The following HPS1 variants were observed in gnomAD, a reference collection of about 807,000 sequenced individuals.
HPS1 encodes HPS1 biogenesis of lysosomal organelles complex 3 subunit 1, also known as BLOC-3 complex member HPS1.
HPS1 carries 59 observed loss-of-function variants against 90.6 expected under a neutral mutation model. The ratio of observed to expected loss-of-function variants is 0.65; its 90% CI spans 0.53 to 0.81. The LOEUF (loss-of-function observed/expected upper bound fraction) is 0.81, where lower values mean the gene tolerates loss of function less well. HPS1 is among the 30% of genes least tolerant of loss of function. The probability of loss-of-function intolerance (pLI) is 0.00; values close to 1 mark genes in which losing one functional copy is unlikely to be tolerated. For synonymous variants in HPS1, 388 were observed against 384.4 expected (o/e 1.01, Z -0.11); for missense variants, 849 against 896.7 (o/e 0.95, Z 0.68).
chr10:98,420,392 T>C (rs1476753749), intron 17 of HPS1: 5 of 494,832 alleles, frequency 1.0e-5, no homozygotes, highest in Non-Finnish European at 1.9e-5. Flanking sequence ...AAAAGCTTTG[T>C]GTAACTTTAC....
At chr10:98,431,441 TC>T in intron 6 of HPS1, 150 bp from the exon 7 acceptor site, 1 of 754,348 alleles carries the variant, frequency 1.3e-6, no homozygotes, top group Non-Finnish European at 2.2e-6. Flanking sequence ...ACCCACCAGG[TC>T]CCAGCCTTCC....
rs370022437 is a variant in HPS1, at chr10:98,435,426, G to A, written c.256-12C>T. The A allele has an allele frequency of 1.2e-6, 2 of 1,613,564 alleles. No individual in the cohort carries two copies. The highest frequency in any genetic ancestry group is 2.7e-5 in the African/African-American group (2 of 74,896). ...AGGCATTCTCCAAACTGCAGGCACA[G>A]GCAGGCCAGTGTCAGCCAGCCCCAA... is the stretch of plus-strand genomic sequence containing the variant. On this transcript the variant is annotated splice_polypyrimidine_tract_variant and intron_variant, in intron 4 of 19. Coordinates refer to ENST00000361490, the MANE Select transcript of HPS1 (RefSeq NM_000195.5). The surrounding 1 kb of genome is among the most constrained non-coding windows in gnomAD (Gnocchi z 4.3).
At chr10:98,440,893 T>C (rs1405859211) in intron 3 of HPS1, among the ~76,000 whole-genome samples, 2 of 152,164 alleles carry the variant, frequency 1.3e-5, no homozygotes, top group Non-Finnish European at 2.9e-5. Flanking sequence ...GTTTAAAAAC[T>C]GAAATATTTA....
chr10:98,423,268 A>C, intron 16 of HPS1, among the ~76,000 whole-genome samples: 1 of 145,228 alleles, frequency 6.9e-6, no homozygotes, highest in East Asian at 2.2e-4. Context: ...CAACCAAACT[A>C]GACCACAGGA....
chr10:98,431,004 G>A (rs1846368322), intron 7 of HPS1, 127 bp downstream of exon 7: 1 of 964,972 alleles, frequency 1.0e-6, no homozygotes, highest in Admixed American at 2.0e-5. Flanking sequence ...ATCAAATCTG[G>A]GAAGGTTTCA....
At position 98,435,374 on chromosome 10, in the gene HPS1, G is replaced by C. The variant is rs979872984; in HGVS notation, c.296C>G (p.Thr99Ser). ...CCGCCGCAGGTCCCCCTCGCTCTCG[G>C]TGTGGTCACCATTGATGGCAATGAA... ...CLFIAINGDH[T>S]ESEGDLRRKL... Residue 99 changes from threonine (T) to serine (S), a missense_variant, in exon 5 of 20, where the codon ACC (threonine) becomes AGC (serine). Transcript: ENST00000361490. The surrounding 1 kb of genome is among the most constrained non-coding windows in gnomAD (Gnocchi z 4.3). 3.1e-6 allele frequency: 5 copies of C among 1,613,798 alleles called. No homozygotes were observed. In the African/African-American group the frequency reaches 4.0e-5, roughly 13 times the overall value.
chr10:98,423,620 C>T lies in HPS1; in HGVS notation c.1581G>A (p.Arg527=). The T allele has an allele frequency of 1.9e-6, 3 of 1,613,954 alleles. No homozygotes were observed. The highest frequency in any genetic ancestry group is 2.5e-6 in the Non-Finnish European group (3 of 1,179,926). ...WKDFLLVKSR[R]NITMVSYLED... is the part of the protein sequence containing the mutation. ...CAGGATATGACACCATGGTGATGTT[C>T]CTCCTGCTCTTCACCAGCAAGAAGT... is the stretch of plus-strand genomic sequence containing the variant. The change falls in exon 16 of 20, where the codon AGG becomes AGA. Residue 527 remains arginine (R), a synonymous_variant. Transcript: ENST00000361490.
chr10:98,414,931 C>T (rs1268529836), downstream of HPS1: 10 of 1,552,660 alleles, frequency 6.4e-6, no homozygotes, highest in Middle Eastern at 1.7e-4. Context: ...TTGGCTCCCC[C>T]TCCCCCTCCC....
downstream of HPS1, chr10:98,415,021 C>T: frequency 6.2e-7 from 1 of 1,613,680 alleles, no homozygotes; most frequent in Non-Finnish European, 8.5e-7. Flanking sequence ...GCTCCTATCA[C>T]CACCGCATCA....
chr10:98,444,361 T>C (rs1939063513), intron 2 of HPS1, among the ~76,000 whole-genome samples: 1 of 151,482 alleles, frequency 6.6e-6, no homozygotes, highest in African/African-American at 2.4e-5. Context: ...CTTCCCACAC[T>C]GTGTGCCATG....
Position 98,425,552 on chromosome 10 carries a change from G to A in HPS1, c.1324C>T (p.Gln442Ter). ...AACTTGGGTCTCACCTGAATCTCCT[G>A]TGCCCCTCGATTCTTGACAAACTTG... is the stretch of plus-strand genomic sequence containing the variant. Reference protein sequence around the residue: ...MDKFVKNRGAQEIQSTWLEFK... With the variant: ...MDKFVKNRGA Residue 442 changes from glutamine (Q) to a stop codon, truncating the protein, a stop_gained, in exon 13 of 20, where the codon CAG (glutamine) becomes TAG (stop). Transcript: ENST00000361490. LOFTEE classifies it high-confidence loss of function. 1 of 1,611,090 alleles carries A rather than the reference G, an allele frequency of 6.2e-7. No individual in the cohort carries two copies. The highest frequency in any genetic ancestry group is 8.5e-7 in the Non-Finnish European group (1 of 1,178,816).
At chr10:98,439,098 G>A (rs1937930631) in intron 3 of HPS1, among the ~76,000 whole-genome samples, 1 of 152,198 alleles carries the variant, frequency 6.6e-6, no homozygotes, top group East Asian at 1.9e-4. Context: ...AGATTTCAGA[G>A]GATGTATGGA....
chr10:98,414,262 T>C (rs1174487559), downstream of HPS1: 1 of 152,152 alleles, frequency 6.6e-6, no homozygotes. Context: ...TATCTCTGTA[T>C]AGACCCAGTT....
chr10:98,420,051 A>G lies in HPS1; in HGVS notation c.1851T>C (p.Asn617=), dbSNP rs1844649878. 3 of 1,609,644 alleles carry G rather than the reference A, an allele frequency of 1.9e-6. No homozygotes were observed. The African/African-American group carries it at 4.0e-5, about 22-fold the overall frequency. ...FYCSYFLWFE[N]DMGYKLQMIE... ...GGGACTCAGCCTCACCTACCATGTC[A>G]TTCTCGAACCACAGGAAGTAGGAGC... Residue 617 remains asparagine, a synonymous_variant, in exon 18 of 20, where the codon AAT becomes AAC. Coordinates refer to ENST00000361490, the MANE Select transcript of HPS1 (RefSeq NM_000195.5).
chr10:98,423,055 A>G (rs1236649816), intron 16 of HPS1, among the ~76,000 whole-genome samples: 1 of 152,236 alleles, frequency 6.6e-6, no homozygotes, highest in Non-Finnish European at 1.5e-5. Flanking sequence ...GGGGCTGGAC[A>G]TTTCAGAGAT....
At chr10:98,430,697 A>C (rs1436497462) in intron 7 of HPS1, 27 bp from the exon 8 acceptor site, 16 of 1,532,972 alleles carry the variant, frequency 1.0e-5, no homozygotes, top group Non-Finnish European at 1.4e-5. Context: ...ATGGCCACCC[A>C]TCAGCACATG....
chr10:98,429,709 C>T, intron 9 of HPS1, 67 bp from the exon 10 acceptor site: 1 of 1,614,040 alleles, frequency 6.2e-7, no homozygotes, highest in Non-Finnish European at 8.5e-7. Context: ...CCCTGCTCTC[C>T]CAGGAGGGAT....
At position 98,435,219 on chromosome 10, in the gene HPS1, G is replaced by A; in HGVS notation, c.398+53C>T. On this transcript the variant is annotated intron_variant, in intron 5 of 19. Transcript: ENST00000361490. The surrounding 1 kb of genome is among the most constrained non-coding windows in gnomAD (Gnocchi z 4.3). ...ACAGGGGCTGGGCACACGCTGCCTG[G>A]CCCAGCGAGGGTGCTCGGCAAAGGA... The A allele has an allele frequency of 6.2e-7, 1 of 1,610,700 alleles. No homozygotes were observed. Among genetic ancestry groups the A allele is most frequent in the Admixed American group, 1.7e-5 (1 of 60,014 alleles).
chr10:98,439,190 T>C (rs1446795366), intron 3 of HPS1, among the ~76,000 whole-genome samples: 2 of 152,274 alleles, frequency 1.3e-5, no homozygotes, highest in East Asian at 3.9e-4. Context: ...TAAGGGAATG[T>C]GGGGTCAGAC....
Sources: allele counts gnomAD v4.1 joint callset (sites outside exome capture counted in the v4.1 genomes callset), GRCh38; gene constraint gnomAD v4.1.1; non-coding constraint Gnocchi (gnomAD v3.1); transcripts MANE v1.5; gene names NCBI Gene and HGNC (gene_info 2026-07-23, HGNC 2026-07-21).